Variants in TRPC6 observed in about 807,000 individuals in gnomAD.
The protein encoded by TRPC6 is short transient receptor potential channel 6.
TRPC6 carries 55 observed loss-of-function variants against 90.7 expected under a neutral mutation model. The observed-to-expected ratio is 0.61, with a 90% CI of 0.49 to 0.76. The LOEUF (loss-of-function observed/expected upper bound fraction) is 0.76. Among genes scored for constraint, TRPC6 ranks in the 30% least tolerant of loss-of-function variants. The pLI is 0.00. For missense variants in TRPC6, 989 were observed against 1,122.7 expected (o/e 0.88, Z 1.70); for synonymous variants, 393 against 393.0 (o/e 1.00, Z 0.00).
At position 101,535,746 on chromosome 11, in the gene TRPC6, T is replaced by C. The variant is rs80185301; in HGVS notation, c.171-30948A>G. ...AGTTAGGATGGAAAGAATAAAATACTGTGTAGATAAATGAAATGACCTACC... is the reference window on the plus strand; with the variant it reads ...AGTTAGGATGGAAAGAATAAAATACCGTGTAGATAAATGAAATGACCTACC... On this transcript the variant is annotated intron_variant, in intron 1 of 12. Transcript: ENST00000344327. Among the ~76,000 whole-genome samples the C allele has an allele frequency of 8.2e-3, 1,249 of 152,278 alleles. 21 individuals carry two copies. The highest frequency in any genetic ancestry group is 0.029 in the African/African-American group (1,195 of 41,546).
At chr11:101,553,577 A>G (rs1861497993) in intron 1 of TRPC6, among the ~76,000 whole-genome samples, 1 of 152,116 alleles carries the variant, frequency 6.6e-6, no homozygotes, top group Non-Finnish European at 1.5e-5. Context: ...TATACTCTAG[A>G]TTGCTGATCA....
intron 2 of TRPC6, among the ~76,000 whole-genome samples, chr11:101,499,778 C>A (rs1344503197): frequency 4.6e-5 from 1 of 21,654 alleles, no homozygotes; most frequent in African/African-American, 1.8e-4. Flanking sequence ...TATATATACA[C>A]AGTATAAAAT....
At chr11:101,542,981 G>T (rs114140359) in intron 1 of TRPC6, among the ~76,000 whole-genome samples, 2,756 of 151,994 alleles carry the variant, frequency 0.018, 78 homozygotes, top group South Asian at 0.065. Context: ...TGATACTCAA[G>T]AAAATGCTAA....
At chr11:101,478,838 C>CA (rs1387257080) in intron 5 of TRPC6, among the ~76,000 whole-genome samples, 1 of 152,162 alleles carries the variant, frequency 6.6e-6, no homozygotes, top group Non-Finnish European at 1.5e-5. Context: ...AGACAGGTAG[C>CA]AAATGAGTCA....
At chr11:101,536,379 TC>T (rs1861045698) in intron 1 of TRPC6, among the ~76,000 whole-genome samples, 1 of 150,542 alleles carries the variant, frequency 6.6e-6, no homozygotes, top group Non-Finnish European at 1.5e-5. Context: ...AGAGCAAGAC[TC>T]GATCCCCCAG....
chr11:101,454,939 ATACTT>A (rs1858849200), intron 11 of TRPC6, 74 bp downstream of exon 11: 1 of 1,110,680 alleles, frequency 9.0e-7, no homozygotes, highest in Non-Finnish European at 1.3e-6. Context: ...AAATATCCTG[ATACTT>A]TAAAGAATCA....
chr11:101,560,671 A>G (rs1277686099), intron 1 of TRPC6, among the ~76,000 whole-genome samples: 2 of 152,124 alleles, frequency 1.3e-5, no homozygotes, highest in African/African-American at 2.4e-5. Context: ...AATAGCATAG[A>G]TCTGCCCAGA....
intron 1 of TRPC6, among the ~76,000 whole-genome samples, chr11:101,506,246 C>T (rs909285732): frequency 1.4e-5 from 2 of 147,276 alleles, no homozygotes; most frequent in Non-Finnish European, 2.9e-5. Flanking sequence ...GCTAAAGAGG[C>T]ATCCCTCTTT....
intron 1 of TRPC6, among the ~76,000 whole-genome samples, chr11:101,548,429 AAAT>A (rs1472054549): frequency 4.2e-5 from 6 of 142,996 alleles, no homozygotes; most frequent in East Asian, 2.0e-4. Context: ...TTTAATATAT[AAAT>A]ATATAATACA....
rs750400201 is a variant in TRPC6, at chr11:101,491,729, T to G, written c.955A>C (p.Lys319Gln). 6.2e-7 allele frequency: 1 copy of G among 1,613,896 alleles called. No individual in the cohort carries two copies. Among genetic ancestry groups the G allele is most frequent in the Non-Finnish European group, 8.5e-7 (1 of 1,179,980 alleles). The change falls in exon 3 of 13, where the codon AAA becomes CAA. Residue 319 changes from lysine (K) to glutamine (Q), a missense_variant. Transcript: ENST00000344327. ...NIEKEFKNDY[K>Q]KLSMQCKDFV... ...TCTTTGCACTGCATTGACAGTTTTT[T>G]GTAGTCATTCTAGGAAAAACAAAGC...
chr11:101,499,586 G>GTGATATATA (rs146159741), intron 2 of TRPC6, among the ~76,000 whole-genome samples: 4 of 45,608 alleles, frequency 8.8e-5, no homozygotes, highest in African/African-American at 3.7e-4. Flanking sequence ...GTATATATAC[G>GTGATATATA]TATATATATA....
chr11:101,583,245 G>C, intron 1 of TRPC6, 89 bp downstream of exon 1: 2 of 1,489,658 alleles, frequency 1.3e-6, no homozygotes, highest in South Asian at 1.3e-5. Context: ...GGTTCAGGAC[G>C]CGCGCGGACG....
At chr11:101,507,874 T>G (rs929186747) in intron 1 of TRPC6, among the ~76,000 whole-genome samples, 2 of 152,136 alleles carry the variant, frequency 1.3e-5, no homozygotes, top group Admixed American at 6.5e-5. Flanking sequence ...TCATTTTGTT[T>G]TCTGCTTTCA....
intron 1 of TRPC6, among the ~76,000 whole-genome samples, chr11:101,526,182 CTCTTTT>C (rs1205949765): frequency 3.3e-5 from 5 of 152,158 alleles, no homozygotes; most frequent in Admixed American, 2.0e-4. Flanking sequence ...CTTTGTCCTT[CTCTTTT>C]TAACAATGAC....
At chr11:101,458,325 G>C (rs947241342) in intron 10 of TRPC6, among the ~76,000 whole-genome samples, 3 of 152,140 alleles carry the variant, frequency 2.0e-5, no homozygotes, top group African/African-American at 7.2e-5. Flanking sequence ...AAGTCCTTCA[G>C]GGAATGAAAT....
rs192425235 is a variant in TRPC6 at position 101,505,736 on chromosome 11, C to G, written c.171-938G>C. 2.2e-4 allele frequency among the ~76,000 whole-genome samples: 33 copies of G among 152,238 alleles called. No individual in the cohort carries two copies. In the South Asian group the frequency reaches 3.1e-3, roughly 14 times the overall value. ...TCTGTGATAAGAAGGGAAAGTGAGC[C>G]GGGTGCTATGGCTCACGCCTATAAT... On this transcript the variant is annotated intron_variant, in intron 1 of 12. Transcript: ENST00000344327.
At chr11:101,480,794 T>C (rs927754201) in intron 5 of TRPC6, among the ~76,000 whole-genome samples, 2 of 152,202 alleles carry the variant, frequency 1.3e-5, no homozygotes, top group Non-Finnish European at 2.9e-5. Context: ...AAATAAACTA[T>C]GAGACATGGG....
chr11:101,486,714 A>C (rs1418903761), intron 4 of TRPC6, among the ~76,000 whole-genome samples: 1 of 152,146 alleles, frequency 6.6e-6, no homozygotes, highest in Non-Finnish European at 1.5e-5. Flanking sequence ...GTCACAGTGC[A>C]TAGGCCTGCA....
At chr11:101,463,461 CTAT>C (rs1859056803) in intron 10 of TRPC6, among the ~76,000 whole-genome samples, 1 of 152,076 alleles carries the variant, frequency 6.6e-6, no homozygotes, top group South Asian at 2.1e-4. Flanking sequence ...GGTTGGTACG[CTAT>C]TATTACTGCC....
Sources: allele counts gnomAD v4.1 joint callset (sites outside exome capture counted in the v4.1 genomes callset), GRCh38; gene constraint gnomAD v4.1.1; transcripts MANE v1.5; gene names NCBI Gene and HGNC (gene_info 2026-07-23, HGNC 2026-07-21).